SLC7A8: variants seen among roughly 807,000 people sequenced by gnomAD.
SLC7A8 encodes the protein large neutral amino acids transporter small subunit 2.
A neutral mutation model predicts 51.2 loss-of-function variants in SLC7A8; 30 were observed. The observed-to-expected ratio is 0.59, with a 90% confidence interval of 0.44 to 0.80. The LOEUF (loss-of-function observed/expected upper bound fraction) is 0.80. SLC7A8 is among the 30% of genes least tolerant of loss of function. SLC7A8 has a pLI of 0.00. For missense variants in SLC7A8, 612 were observed against 674.4 expected (o/e 0.91, Z 1.03); for synonymous variants, 257 against 275.8 (o/e 0.93, Z 0.67).
chr14:23,157,208 C>T (rs1211162059), intron 3 of SLC7A8, among the ~76,000 whole-genome samples: 1 of 152,208 alleles, frequency 6.6e-6, no homozygotes, highest in Non-Finnish European at 1.5e-5. Flanking sequence ...GTATCCCCAA[C>T]AAGACCATGC....
chr14:23,154,117 A>T, intron 3 of SLC7A8: 1 of 343,556 alleles, frequency 2.9e-6, no homozygotes, highest in Non-Finnish European at 4.1e-6. Context: ...CAGTGACGCC[A>T]CTTTGTAGAA....
intron 8 of SLC7A8, among the ~76,000 whole-genome samples, chr14:23,131,251 G>C (rs925197222): frequency 6.6e-6 from 1 of 152,196 alleles, no homozygotes; most frequent in Non-Finnish European, 1.5e-5. Context: ...AGAGCCTTAG[G>C]TATTTCAAGA....
intron 1 of SLC7A8, among the ~76,000 whole-genome samples, chr14:23,176,470 A>G (rs1455098968): frequency 1.3e-5 from 2 of 152,188 alleles, no homozygotes; most frequent in Non-Finnish European, 2.9e-5. Context: ...AGAAATGGCT[A>G]AGTGTTCTGG....
intron 10 of SLC7A8, 113 bp downstream of exon 10, chr14:23,127,906 G>T: frequency 1.1e-6 from 1 of 891,740 alleles, no homozygotes. Context: ...TCTGTGGACT[G>T]AGGAGAAGGT....
chr14:23,177,117 C>G (rs1328608511), intron 1 of SLC7A8, among the ~76,000 whole-genome samples: 1 of 152,164 alleles, frequency 6.6e-6, no homozygotes, highest in Non-Finnish European at 1.5e-5. Context: ...ACAAAATGGT[C>G]TGACATTATA....
At chr14:23,169,552 G>A (rs1205829412) in intron 1 of SLC7A8, among the ~76,000 whole-genome samples, 1 of 152,004 alleles carries the variant, frequency 6.6e-6, no homozygotes, top group Non-Finnish European at 1.5e-5. Context: ...GATTACAGGT[G>A]TATGCCACCA....
chr14:23,159,696 G>A (rs752633516), intron 3 of SLC7A8, among the ~76,000 whole-genome samples: 2 of 152,222 alleles, frequency 1.3e-5, no homozygotes, highest in African/African-American at 2.4e-5. Flanking sequence ...AACAACTCAC[G>A]AGTTTCTCTG....
intron 7 of SLC7A8, among the ~76,000 whole-genome samples, 176 bp from the exon 8 acceptor site, chr14:23,131,733 G>A (rs1303980098): frequency 1.3e-5 from 2 of 152,334 alleles, no homozygotes; most frequent in East Asian, 3.9e-4. Context: ...ACAAATGCAG[G>A]TGCAAGCAAA....
At chr14:23,161,925 T>C (rs1236442105) in intron 3 of SLC7A8, among the ~76,000 whole-genome samples, 2 of 107,176 alleles carry the variant, frequency 1.9e-5, no homozygotes, top group Non-Finnish European at 3.7e-5. Flanking sequence ...AGACTCCATC[T>C]AAAAAAAAAA....
At chr14:23,171,743 C>A (rs539479088) in intron 1 of SLC7A8, among the ~76,000 whole-genome samples, 2 of 152,164 alleles carry the variant, frequency 1.3e-5, no homozygotes, top group Non-Finnish European at 2.9e-5. Context: ...AAGGGAACAG[C>A]GTGAAAGCAG....
chr14:23,134,437 C>CAAAAAAAAAAAAAA (rs57162273), intron 7 of SLC7A8, among the ~76,000 whole-genome samples: 1 of 64,186 alleles, frequency 1.6e-5, no homozygotes, highest in Non-Finnish European at 2.6e-5. Flanking sequence ...ACCCTGTCTC[C>CAAAAAAAAAAAAAA]AAAAAAAAAA....
intron 3 of SLC7A8, among the ~76,000 whole-genome samples, chr14:23,145,324 C>T (rs576312637): frequency 2.8e-4 from 42 of 151,468 alleles, no homozygotes; most frequent in African/African-American, 9.9e-4. Context: ...GTCAGGAGTT[C>T]GAGACCAGTC....
chr14:23,142,568 A>G (rs2048755219), intron 4 of SLC7A8, among the ~76,000 whole-genome samples: 1 of 152,170 alleles, frequency 6.6e-6, no homozygotes, highest in Non-Finnish European at 1.5e-5. Flanking sequence ...TGGCACAATC[A>G]TAGCTCACTA....
intron 3 of SLC7A8, among the ~76,000 whole-genome samples, chr14:23,146,221 T>C (rs1277242098): frequency 2.6e-5 from 4 of 152,184 alleles, no homozygotes; most frequent in South Asian, 2.1e-4. Flanking sequence ...ACAAACCCCA[T>C]AAGCCTCAGG....
chr14:23,140,365 G>A (rs2048732178), intron 5 of SLC7A8, 106 bp downstream of exon 5: 12 of 1,191,258 alleles, frequency 1.0e-5, no homozygotes, highest in African/African-American at 3.1e-5. Context: ...CAGTTAGAAT[G>A]GGGCTTTGGA....
intron 7 of SLC7A8, among the ~76,000 whole-genome samples, chr14:23,133,354 T>A (rs2048658025): frequency 6.9e-6 from 1 of 144,302 alleles, no homozygotes; most frequent in African/African-American, 2.6e-5. Flanking sequence ...GGTGACAGGA[T>A]CACATGAGCC....
intron 7 of SLC7A8, among the ~76,000 whole-genome samples, chr14:23,134,003 C>T (rs895405325): frequency 7.3e-5 from 11 of 151,624 alleles, no homozygotes; most frequent in Non-Finnish European, 1.3e-4. Context: ...TGCAGTAGCA[C>T]GATGATGGCT....
chr14:23,160,395 C>T (rs549050493), intron 3 of SLC7A8, among the ~76,000 whole-genome samples: 27 of 152,080 alleles, frequency 1.8e-4, no homozygotes, highest in African/African-American at 5.3e-4. Context: ...CAAGGTGAAA[C>T]GCTGTCTGTA....
At chr14:23,163,807 C>T (rs1461281721) in intron 3 of SLC7A8, among the ~76,000 whole-genome samples, 1 of 152,094 alleles carries the variant, frequency 6.6e-6, no homozygotes, top group Admixed American at 6.5e-5. Flanking sequence ...ATGTAAAATA[C>T]CCCAATCCAT....
Sources: allele counts gnomAD v4.1 joint callset (sites outside exome capture counted in the v4.1 genomes callset), GRCh38; gene constraint gnomAD v4.1.1; transcripts MANE v1.5; gene names NCBI Gene and HGNC (gene_info 2026-07-23, HGNC 2026-07-21).